Variants in KPNA7 observed in about 807,000 individuals in gnomAD.
KPNA7 encodes importin subunit alpha-8.
A neutral mutation model predicts 53.7 loss-of-function variants in KPNA7; 54 were observed. That is an observed-to-expected ratio of 1.01 (90% CI 0.81 to 1.26). The LOEUF is 1.26. KPNA7 is among the 50% of genes most tolerant of loss of function. The pLI is 0.00. For synonymous variants in KPNA7, 276 were observed against 259.3 expected, an observed-to-expected ratio of 1.06 and a Z score of -0.62; for missense variants, 640 against 644.5, an observed-to-expected ratio of 0.99 and a Z score of 0.07.
At chr7:99,209,643 A>C (rs183610433), upstream of KPNA7, among the ~76,000 whole-genome samples, 18 of 128,924 alleles carry the variant, frequency 1.4e-4, no homozygotes, top group Admixed American at 5.0e-4. Context: ...AGATCGCACC[A>C]CTACACTCCA....
At chr7:99,204,133 A>G (rs1584313653) in intron 2 of KPNA7, among the ~76,000 whole-genome samples, 2 of 152,232 alleles carry the variant, frequency 1.3e-5, no homozygotes, top group African/African-American at 4.8e-5. Flanking sequence ...TAATCCCAGC[A>G]CTTTGGGAGG....
At chr7:99,179,239 C>T (rs1478109073) in intron 9 of KPNA7, among the ~76,000 whole-genome samples, 2 of 152,214 alleles carry the variant, frequency 1.3e-5, no homozygotes, top group South Asian at 2.1e-4. Context: ...TGAAGATTTT[C>T]AGATGGTTTT....
Position 99,184,951 on chromosome 7 carries a change from G to C in KPNA7, c.1112C>G (p.Pro371Arg). The change falls in exon 8 of 11, where the codon CCC becomes CGC. Residue 371 changes from proline (P) to arginine (R), a missense_variant. Physicochemically the swap from Pro to Arg is moderately radical, Grantham distance 103 (BLOSUM62 -2). Coordinates refer to ENST00000327442, the MANE Select transcript of KPNA7 (RefSeq NM_001145715.3). ...TACGTTTTTTAGCAGAGCCACCAAGGGAGGCAAGACGTCGTAGGCAAGCAG... is the reference window on the plus strand; with the variant it reads ...TACGTTTTTTAGCAGAGCCACCAAGCGAGGCAAGACGTCGTAGGCAAGCAG... Reference protein sequence around the residue: ...QQLLAYDVLPPLVALLKNGEF... With the variant: ...QQLLAYDVLPRLVALLKNGEF... The C allele has an allele frequency of 6.4e-7, 1 of 1,552,070 alleles. No individual in the cohort carries two copies. Among genetic ancestry groups the C allele is most frequent in the Non-Finnish European group, 8.7e-7 (1 of 1,147,070 alleles).
At chr7:99,159,625 AACATC>A in the KPNA7 span, among the ~76,000 whole-genome samples, 1 of 152,240 alleles carries the variant, frequency 6.6e-6, no homozygotes, top group African/African-American at 2.4e-5. Context: ...ACAAATTCCA[AACATC>A]ACATCACTTC....
rs1333084418 is a variant in KPNA7, at chr7:99,173,666, C to T, written c.*42G>A. The T allele has an allele frequency of 7.9e-7, 1 of 1,267,456 alleles. No homozygotes were observed. The highest frequency in any genetic ancestry group is 1.1e-6 in the Non-Finnish European group (1 of 892,470). The allele number at this position is 1,267,456 out of a possible 1,614,324, so 78.5% of individuals were successfully genotyped here. A position where few individuals can be genotyped will look rare whatever the true frequency, so the allele number is the denominator to read the frequency against. On this transcript the variant is annotated 3_prime_UTR_variant, in exon 11 of 11. Coordinates refer to ENST00000327442, the MANE Select transcript of KPNA7 (RefSeq NM_001145715.3). ...GACTGCTGCTTCTTAAAGAAGTTAT[C>T]CTTTAGCACTGGGTTGTTGGTTTAG...
chr7:99,162,037 A>ATTTTTTTTTTTTTTTTTTTTTTTTTTT, the KPNA7 span, among the ~76,000 whole-genome samples: 5 of 106,940 alleles, frequency 4.7e-5, no homozygotes, highest in Non-Finnish European at 5.6e-5. Context: ...CAAGATTGCA[A>ATTTTTTTTTTTTTTTTTTTTTTTTTTT]TTTTTTTTTT....
At chr7:99,214,685 A>G (rs1328162149) in intron 1 of KPNA7, among the ~76,000 whole-genome samples, 1 of 16,128 alleles carries the variant, frequency 6.2e-5, no homozygotes, top group African/African-American at 2.1e-4. Context: ...AGGGGAGGGG[A>G]GGTAGGGGAG....
the KPNA7 span, among the ~76,000 whole-genome samples, chr7:99,157,359 G>A: frequency 4.6e-5 from 7 of 152,062 alleles, no homozygotes; most frequent in Admixed American, 2.6e-4. Context: ...ACAGGCATGC[G>A]CCACCACACC....
At chr7:99,197,648 G>C (rs1790299638) in intron 3 of KPNA7, among the ~76,000 whole-genome samples, 1 of 152,202 alleles carries the variant, frequency 6.6e-6, no homozygotes, top group South Asian at 2.1e-4. Context: ...GAAGGAGCCA[G>C]ATACAAATTC....
rs750733929 is a variant in KPNA7 at position 99,193,036 on chromosome 7, T to C, written c.619A>G (p.Ile207Val). Reference sequence around the variant, plus strand: ...ACACTTACCGGCAGGGTGGGTGAAATCAAGGCTAGGAGATGTGGGATGGCA... The same window carrying C: ...ACACTTACCGGCAGGGTGGGTGAAACCAAGGCTAGGAGATGTGGGATGGCA... Reference protein sequence around the residue: ...SNAIPHLLALISPTLPITFLR... With the variant: ...SNAIPHLLALVSPTLPITFLR... The change falls in exon 6 of 11, where the codon ATT (isoleucine) becomes GTT (valine). Residue 207 changes from isoleucine to valine, a missense_variant. Physicochemically the swap from Ile to Val is conservative, Grantham distance 29. Coordinates refer to ENST00000327442, the MANE Select transcript of KPNA7 (RefSeq NM_001145715.3). The C allele has an allele frequency of 2.0e-6, 3 of 1,502,212 alleles. No homozygotes were observed. Among genetic ancestry groups the C allele is most frequent in the Admixed American group, 2.4e-5 (1 of 41,232 alleles). The allele number at this position is 1,502,212 out of a possible 1,614,324, so 93.1% of individuals were successfully genotyped here.
intron 1 of KPNA7, among the ~76,000 whole-genome samples, chr7:99,214,772 G>T (rs1484023625): frequency 8.3e-5 from 12 of 143,852 alleles, no homozygotes; most frequent in Non-Finnish European, 3.0e-5. Context: ...GGGAGGGAAG[G>T]CAGGCCACCA....
At chr7:99,156,831 C>T in the KPNA7 span, among the ~76,000 whole-genome samples, 1 of 152,028 alleles carries the variant, frequency 6.6e-6, no homozygotes, top group African/African-American at 2.4e-5. Flanking sequence ...GGCCTCAATT[C>T]TGATAAATTT....
At chr7:99,172,147 C>T (rs139211796), downstream of KPNA7, among the ~76,000 whole-genome samples, 819 of 152,198 alleles carry the variant, frequency 5.4e-3, 4 homozygotes, top group Middle Eastern at 0.048. Context: ...TAGATATCTA[C>T]GATGCGAAGA....
At chr7:99,162,443 A>G in the KPNA7 span, among the ~76,000 whole-genome samples, 4 of 152,146 alleles carry the variant, frequency 2.6e-5, no homozygotes, top group Non-Finnish European at 5.9e-5. Flanking sequence ...ACCTATAGCC[A>G]TTCACACCTT....
chr7:99,159,409 G>A, the KPNA7 span, among the ~76,000 whole-genome samples: 1 of 151,772 alleles, frequency 6.6e-6, no homozygotes, highest in East Asian at 1.9e-4. Context: ...GGTGGGGCAG[G>A]GGGCAGTTGG....
chr7:99,208,886 T>C (rs927530465), upstream of KPNA7, among the ~76,000 whole-genome samples: 3 of 152,126 alleles, frequency 2.0e-5, no homozygotes, highest in Non-Finnish European at 4.4e-5. Flanking sequence ...GTGCAGTGGC[T>C]CACACCTATA....
At chr7:99,181,792 A>C in intron 9 of KPNA7, 91 bp downstream of exon 9, 1 of 1,194,886 alleles carries the variant, frequency 8.4e-7, no homozygotes, top group Non-Finnish European at 1.1e-6. Flanking sequence ...TCAGCCTCCC[A>C]AAGTACAACT....
chr7:99,152,444 T>C, the KPNA7 span, among the ~76,000 whole-genome samples: 3 of 151,992 alleles, frequency 2.0e-5, no homozygotes, highest in Non-Finnish European at 4.4e-5. Flanking sequence ...ACCATCCCTT[T>C]CTCTGTGGAC....
chr7:99,186,787 C>T (rs1004491772), intron 7 of KPNA7, among the ~76,000 whole-genome samples: 1 of 152,004 alleles, frequency 6.6e-6, no homozygotes, highest in Non-Finnish European at 1.5e-5. Flanking sequence ...TTATCTCATA[C>T]TCTCCATGCC....
Sources: gnomAD v4.1 joint callset for allele counts (sites outside exome capture counted in the v4.1 genomes callset) on GRCh38, gnomAD v4.1.1 for gene constraint, MANE v1.5 for transcripts, NCBI Gene and HGNC (gene_info 2026-07-23, HGNC 2026-07-21) for gene names.